The following DAXX variants were observed in gnomAD, a reference collection of about 807,000 sequenced individuals.
The protein encoded by DAXX is death domain associated protein, also known as death domain-associated protein 6.
Under a neutral mutation model 61.9 loss-of-function variants are expected in DAXX, and 24 were observed. The observed-to-expected ratio is 0.39, with a 90% confidence interval of 0.28 to 0.55. DAXX has a LOEUF of 0.55. DAXX is among the 20% of genes least tolerant of loss of function. DAXX has a pLI of 0.69. For missense variants in DAXX, 819 were observed against 935.3 expected, an observed-to-expected ratio of 0.88 and a Z score of 1.62; for synonymous variants, 357 against 369.5, an observed-to-expected ratio of 0.97 and a Z score of 0.39.
chr6:33,322,717 AGT>A, intron 1 of DAXX, 143 bp downstream of exon 1: 1 of 79,374 alleles, frequency 1.3e-5, no homozygotes, highest in Non-Finnish European at 2.6e-5. Context: ...CCCCTCCCCC[AGT>A]TCAGCCCCCG....
rs1342087666 is a variant in DAXX, at chr6:33,319,220, C to T, written c.1941-1G>A. ...CACTGACCTTTGCCTTTCCACATAG[C>T]TAGAAACAGAAACATAAATATGTGG... On this transcript the variant is annotated splice_acceptor_variant, in intron 6 of 7. Transcript: ENST00000374542. LOFTEE classifies it high-confidence loss of function. 1 of 1,592,746 alleles carries T rather than the reference C, an allele frequency of 6.3e-7. No homozygotes were observed.
At position 33,320,102 on chromosome 6, in the gene DAXX, G is replaced by A. The variant is rs1185569564; in HGVS notation, c.1374C>T (p.Ala458=). Residue 458 remains alanine (A), a synonymous_variant, in exon 5 of 8, where the codon GCC becomes GCT. Coordinates refer to ENST00000374542, the MANE Select transcript of DAXX (RefSeq NM_001141969.2). This position sits in a 1 kb window ranked among gnomAD's most constrained non-coding sequence, Gnocchi z 7.1. ...EEEEEEEEEE[A]TDSEEEEDLE... is the part of the protein sequence containing the mutation. ...GATCCTCCTCCTCTTCAGAATCTGTGGCCTCCTCCTCTTCTTCTTCCTCCT... is the reference window on the plus strand; with the variant it reads ...GATCCTCCTCCTCTTCAGAATCTGTAGCCTCCTCCTCTTCTTCTTCCTCCT... 6.2e-7 allele frequency: 1 copy of A among 1,613,518 alleles called. No homozygotes were observed. Among genetic ancestry groups the A allele is most frequent in the East Asian group, 2.2e-5 (1 of 44,846 alleles).
chr6:33,320,135 C>G lies in DAXX; in HGVS notation c.1341G>C (p.Glu447Asp). The change falls in exon 5 of 8, where the codon GAG becomes GAC. Residue 447 changes from glutamate to aspartate, a missense_variant. Glu to Asp is a conservative substitution (Grantham distance 45). Transcript: ENST00000374542. This position sits in a 1 kb window ranked among gnomAD's most constrained non-coding sequence, Gnocchi z 7.1. ...CCTCTTCTTCTTCCTCCTCCTCCTC[C>G]TCTTCCTCATCACTCTCCTCATCGT... The part of the protein sequence containing the change: ...DEDDEESDEE[E>D]EEEEEEEEEE... 1 of 1,612,948 alleles carries G rather than the reference C, an allele frequency of 6.2e-7. No homozygotes were observed. Among genetic ancestry groups the G allele is most frequent in the East Asian group, 2.2e-5 (1 of 44,866 alleles).
At position 33,321,350 on chromosome 6, in the gene DAXX, T is replaced by C. The variant is rs1408412788; in HGVS notation, c.425A>G (p.Lys142Arg). Residue 142 changes from lysine (K) to arginine (R), a missense_variant, in exon 3 of 8, where the codon AAG (lysine) becomes AGG (arginine). Lys to Arg is a conservative substitution (Grantham distance 26). Transcript: ENST00000374542. The surrounding 1 kb of genome is among the most constrained non-coding windows in gnomAD (Gnocchi z 7.2). ...GGTGGCGGCAGGGGCCAAGTTCAGC[T>C]TCTTTTTGGCTGAGTGGGCCTTGAG... The part of the protein sequence containing the change: ...TVLKAHSAKK[K>R]LNLAPAATTS... 1 of 1,613,102 alleles carries C rather than the reference T, an allele frequency of 6.2e-7. No homozygotes were observed. Among genetic ancestry groups the C allele is most frequent in the Admixed American group, 1.7e-5 (1 of 60,026 alleles).
At position 33,321,634 on chromosome 6, in the gene DAXX, T is replaced by G. The variant is rs1770631586; in HGVS notation, c.208-67A>C. 5.8e-6 allele frequency: 9 copies of G among 1,563,118 alleles called. No individual in the cohort carries two copies. The highest frequency in any genetic ancestry group is 2.8e-5 in the African/African-American group (2 of 71,932). ...GGAGGGGGTTGAGAGAAAGGGGAGG[T>G]GGGGTTAGTGGGAAAGAAAGGACAG... is the stretch of plus-strand genomic sequence containing the variant. On this transcript the variant is annotated intron_variant, in intron 2 of 7. Transcript: ENST00000374542. This position sits in a 1 kb window ranked among gnomAD's most constrained non-coding sequence, Gnocchi z 7.2.
At chr6:33,322,148 G>T in intron 1 of DAXX, 171 bp from the exon 2 acceptor site, 1 of 419,760 alleles carries the variant, frequency 2.4e-6, no homozygotes, top group South Asian at 4.2e-5. Context: ...GGCCCTTCAA[G>T]TGGTGTGGGG....
intron 7 of DAXX, 53 bp from the exon 8 acceptor site, chr6:33,318,855 A>G (rs1770152923): frequency 2.3e-6 from 3 of 1,278,226 alleles, no homozygotes; most frequent in Non-Finnish European, 3.3e-6. Context: ...ACAGGAGAAA[A>G]GAAACAGGAG....
At chr6:33,322,147 A>C in intron 1 of DAXX, 170 bp from the exon 2 acceptor site, 51 of 363,182 alleles carry the variant, frequency 1.4e-4, no homozygotes, top group East Asian at 2.6e-4. Context: ...GGGCCCTTCA[A>C]GTGGTGTGGG....
Position 33,321,827 on chromosome 6 carries a change from T to C in DAXX, c.99A>G (p.Ser33=), listed in dbSNP as rs1770664491. 6.2e-7 allele frequency: 1 copy of C among 1,611,892 alleles called. No individual in the cohort carries two copies. The highest frequency in any genetic ancestry group is 8.5e-7 in the Non-Finnish European group (1 of 1,178,500). The change falls in exon 2 of 8, where the codon TCA becomes TCG. Residue 33 remains serine, a synonymous_variant. Transcript: ENST00000374542. The surrounding 1 kb of genome is among the most constrained non-coding windows in gnomAD (Gnocchi z 7.2). The part of the protein sequence containing the change: ...GPSHPLPNAA[S]PGAEAPSSSE... ...AGGAGCTAGGGGCTTCTGCCCCAGG[T>C]GAGGCCGCATTGGGGAGTGGGTGGG...
chr6:33,320,631 A>C lies in DAXX; in HGVS notation c.1040-40T>G, dbSNP rs373487165. ...ATAAAGTCAGAGCACTCAGCCCTTGAAGGGACTAGAAGAGTAAAAACCCTA... is the reference window on the plus strand; with the variant it reads ...ATAAAGTCAGAGCACTCAGCCCTTGCAGGGACTAGAAGAGTAAAAACCCTA... On this transcript the variant is annotated intron_variant, in intron 3 of 7. Coordinates refer to ENST00000374542, the MANE Select transcript of DAXX (RefSeq NM_001141969.2). This position sits in a 1 kb window ranked among gnomAD's most constrained non-coding sequence, Gnocchi z 7.1. 3.7e-5 allele frequency: 60 copies of C among 1,605,118 alleles called. No individual in the cohort carries two copies. The African/African-American group carries it at 5.0e-4, about 13-fold the overall frequency.
chr6:33,319,271 AG>A (rs762223607), intron 6 of DAXX, 52 bp from the exon 7 acceptor site: 2 of 1,565,036 alleles, frequency 1.3e-6, no homozygotes, highest in African/African-American at 2.7e-5. Flanking sequence ...CTGAGGCTGG[AG>A]GGGGGCAGTC....
rs2150993409 is a variant in DAXX, at chr6:33,320,700, T to C, written c.1039+36A>G. The C allele has an allele frequency of 6.2e-7, 1 of 1,610,106 alleles. No individual in the cohort carries two copies. The highest frequency in any genetic ancestry group is 2.2e-5 in the East Asian group (1 of 44,786). Reference sequence around the variant, plus strand: ...CCCCATCCGCCTCATACCTGACATATAAGGGTCACTGAGAGGCATCCCACC... The same window carrying C: ...CCCCATCCGCCTCATACCTGACATACAAGGGTCACTGAGAGGCATCCCACC... On this transcript the variant is annotated intron_variant, in intron 3 of 7. Transcript: ENST00000374542. The surrounding 1 kb of genome is among the most constrained non-coding windows in gnomAD (Gnocchi z 7.1).
In DAXX at chr6:33,320,386, A is replaced by G. The variant is rs765683084; in HGVS notation, c.1245T>C (p.Ser415=). 61 of 1,607,234 alleles carry G rather than the reference A, an allele frequency of 3.8e-5. No homozygotes were observed. The highest frequency in any genetic ancestry group is 3.4e-6 in the Non-Finnish European group (4 of 1,173,812). ...GGCTGTACCCCATCCACACCTCACCAGAATCCAAGGAGGCTTCGGGGGTGT... is the reference window on the plus strand; with the variant it reads ...GGCTGTACCCCATCCACACCTCACCGGAATCCAAGGAGGCTTCGGGGGTGT... ...SADTPEASLD[S]GEGPSGMASQ... The change falls in exon 4 of 8, where the codon TCT becomes TCC. Residue 415 remains serine (S), a synonymous_variant. Coordinates refer to ENST00000374542, the MANE Select transcript of DAXX (RefSeq NM_001141969.2). This position sits in a 1 kb window ranked among gnomAD's most constrained non-coding sequence, Gnocchi z 7.1.
chr6:33,322,744 T>G, intron 1 of DAXX, 118 bp downstream of exon 1: 1 of 239,514 alleles, frequency 4.2e-6, no homozygotes, highest in Non-Finnish European at 8.3e-6. Flanking sequence ...CTCCACTCCC[T>G]TTCAGGGACA....
intron 1 of DAXX, among the ~76,000 whole-genome samples, chr6:33,322,256 G>A (rs1018097297): frequency 6.7e-6 from 1 of 149,750 alleles, no homozygotes. Flanking sequence ...CTATTTCTTA[G>A]AGTTGGCAAG....
In DAXX at chr6:33,321,432, G is replaced by A. The variant is rs2150997725; in HGVS notation, c.343C>T (p.Arg115Trp). Reference protein sequence around the residue: ...FCNILSRVLSRARSRPAKLYV... With the variant: ...FCNILSRVLSWARSRPAKLYV... ...AGCTTGGCTGGCCGGCTCCGGGCCC[G>A]AGACAGGACCCTAGAGAGGATGTTG... Residue 115 changes from arginine (R) to tryptophan (W), a missense_variant, in exon 3 of 8, where the codon CGG (arginine) becomes TGG (tryptophan). Transcript: ENST00000374542. The surrounding 1 kb of genome is among the most constrained non-coding windows in gnomAD (Gnocchi z 7.2). 2 of 1,613,906 alleles carry A rather than the reference G, an allele frequency of 1.2e-6. No homozygotes were observed. Among genetic ancestry groups the A allele is most frequent in the Non-Finnish European group, 8.5e-7 (1 of 1,179,788 alleles).
At position 33,320,850 on chromosome 6, in the gene DAXX, G is replaced by C; in HGVS notation, c.925C>G (p.Leu309Val). ...RHSLGLPRQQ[L>V]QLMAQDAFRD... Reference sequence around the variant, plus strand: ...AAGGCATCCTGAGCCATGAGCTGGAGCTGCTGTCGGGGGAGGCCAAGGCTG... The same window carrying C: ...AAGGCATCCTGAGCCATGAGCTGGACCTGCTGTCGGGGGAGGCCAAGGCTG... Residue 309 changes from leucine (L) to valine (V), a missense_variant, in exon 3 of 8, where the codon CTC becomes GTC. Coordinates refer to ENST00000374542, the MANE Select transcript of DAXX (RefSeq NM_001141969.2). The surrounding 1 kb of genome is among the most constrained non-coding windows in gnomAD (Gnocchi z 7.1). 6.2e-7 allele frequency: 1 copy of C among 1,614,206 alleles called. No individual in the cohort carries two copies. Among genetic ancestry groups the C allele is most frequent in the East Asian group, 2.2e-5 (1 of 44,884 alleles).
In DAXX at chr6:33,318,788, T is replaced by C; in HGVS notation, c.2178A>G (p.Thr726=). The change falls in exon 8 of 8, where the codon ACA becomes ACG. Residue 726 remains threonine, a synonymous_variant. Transcript: ENST00000374542. ...RPGTCKTSVA[T]QCDPEEIIVL... is the part of the protein sequence containing the mutation. Reference sequence around the variant, plus strand: ...CGATGATCTCTTCTGGATCGCATTGTGTGGCCACACTTGTCTGCAGGGAAG... The same window carrying C: ...CGATGATCTCTTCTGGATCGCATTGCGTGGCCACACTTGTCTGCAGGGAAG... 6.4e-7 allele frequency: 1 copy of C among 1,558,420 alleles called. No homozygotes were observed. Among genetic ancestry groups the C allele is most frequent in the Non-Finnish European group, 8.8e-7 (1 of 1,142,788 alleles).
chr6:33,321,804 G>T lies in DAXX; in HGVS notation c.122C>A (p.Ser41Tyr). The T allele has an allele frequency of 6.2e-7, 1 of 1,612,270 alleles. No homozygotes were observed. Among genetic ancestry groups the T allele is most frequent in the Non-Finnish European group, 8.5e-7 (1 of 1,178,746 alleles). Residue 41 changes from serine (S) to tyrosine (Y), a missense_variant, in exon 2 of 8, where the codon TCC becomes TAC. Physicochemically the swap from Ser to Tyr is moderately radical, Grantham distance 144 (BLOSUM62 -2). Transcript: ENST00000374542. The surrounding 1 kb of genome is among the most constrained non-coding windows in gnomAD (Gnocchi z 7.2). The part of the protein sequence containing the change: ...AASPGAEAPS[S>Y]SEPHGARGSS... Reference sequence around the variant, plus strand: ...TCCTCTGGCCCCATGAGGCTCAGAGGAGCTAGGGGCTTCTGCCCCAGGTGA... The same window carrying T: ...TCCTCTGGCCCCATGAGGCTCAGAGTAGCTAGGGGCTTCTGCCCCAGGTGA...
Sources: gnomAD v4.1 joint callset for allele counts (sites outside exome capture counted in the v4.1 genomes callset) on GRCh38, gnomAD v4.1.1 for gene constraint, Gnocchi (gnomAD v3.1) non-coding constraint, MANE v1.5 for transcripts, NCBI Gene and HGNC (gene_info 2026-07-23, HGNC 2026-07-21) for gene names.